The following RABGAP1L variants were observed in gnomAD, a reference collection of about 807,000 sequenced individuals.
The protein encoded by RABGAP1L is rab GTPase-activating protein 1-like.
Under a neutral mutation model 137.7 loss-of-function variants are expected in RABGAP1L, and 63 were observed. The observed-to-expected ratio is 0.46, with a 90% confidence interval of 0.37 to 0.56. The LOEUF (loss-of-function observed/expected upper bound fraction) is 0.56. RABGAP1L is among the 20% of genes least tolerant of loss of function. RABGAP1L has a pLI of 0.00. For missense variants in RABGAP1L, 1,095 were observed against 1,244.0 expected, an observed-to-expected ratio of 0.88 and a Z score of 1.80; for synonymous variants, 431 against 433.7, an observed-to-expected ratio of 0.99 and a Z score of 0.08.
intron 7 of RABGAP1L, among the ~76,000 whole-genome samples, chr1:174,267,796 A>T (rs759477338): frequency 1.3e-5 from 2 of 152,222 alleles, no homozygotes; most frequent in Non-Finnish European, 2.9e-5. Context: ...ATTGTCCTAT[A>T]TATTTATAAC....
intron 19 of RABGAP1L, among the ~76,000 whole-genome samples, chr1:174,882,604 A>G (rs996987106): frequency 1.3e-5 from 2 of 152,224 alleles, no homozygotes; most frequent in African/African-American, 4.8e-5. Context: ...ACTTTGGAAA[A>G]TATGATTATA....
chr1:174,231,594 G>C (rs915651192), intron 4 of RABGAP1L, among the ~76,000 whole-genome samples: 6 of 152,164 alleles, frequency 3.9e-5, no homozygotes, highest in African/African-American at 1.4e-4. Flanking sequence ...AAAGAGAAGA[G>C]GTTTAACTGG....
intron 8 of RABGAP1L, among the ~76,000 whole-genome samples, chr1:174,274,033 TTCTAATGAAGAGAAAC>T (rs1322354092): frequency 6.6e-6 from 1 of 152,164 alleles, no homozygotes; most frequent in Non-Finnish European, 1.5e-5. Flanking sequence ...GCTAGACTAC[TTCTAATGAAGAGAAAC>T]TCATTACCTT....
chr1:174,852,468 G>A (rs1190120077), intron 19 of RABGAP1L, among the ~76,000 whole-genome samples: 2 of 152,158 alleles, frequency 1.3e-5, no homozygotes, highest in African/African-American at 4.8e-5. Context: ...CTGAGGTCAA[G>A]GAATGCTTCT....
chr1:174,536,649 G>C (rs1664915397), intron 13 of RABGAP1L, among the ~76,000 whole-genome samples: 1 of 152,038 alleles, frequency 6.6e-6, no homozygotes, highest in Admixed American at 6.5e-5. Context: ...TCACTGATTA[G>C]AAGGGAAAAC....
chr1:174,804,006 G>A (rs909343215), intron 18 of RABGAP1L, among the ~76,000 whole-genome samples: 1 of 151,962 alleles, frequency 6.6e-6, no homozygotes. Flanking sequence ...CCCAGAAGGT[G>A]GGATGCACCA....
intron 18 of RABGAP1L, among the ~76,000 whole-genome samples, chr1:174,758,022 CAAA>C (rs34002785): frequency 3.8e-5 from 5 of 130,126 alleles, no homozygotes; most frequent in Admixed American, 7.9e-5. Context: ...GACTCCATCT[CAAA>C]AAAAAAAAAA....
chr1:174,824,455 A>G (rs1360077703), intron 19 of RABGAP1L, among the ~76,000 whole-genome samples: 1 of 152,116 alleles, frequency 6.6e-6, no homozygotes, highest in Non-Finnish European at 1.5e-5. Flanking sequence ...AGATCGTGCC[A>G]CTGCACTCTG....
chr1:174,957,536 T>C lies in RABGAP1L; in HGVS notation c.2420T>C (p.Met807Thr), dbSNP rs759602975. Residue 807 changes from methionine to threonine, a missense_variant, in exon 20 of 26, where the codon ATG (methionine) becomes ACG (threonine). Around this residue, in one of 4 missense-constraint regions of RABGAP1L, gnomAD observed 312 missense variants for 435.6 expected, o/e 0.72. Transcript: ENST00000681986. ...RESQLQQEDP[M>T]DRYKRENRRL... ...AGTCAGCTGCAACAGGAAGACCCAA[T>C]GGATAGATACAAGGTATGAGAAATA... 2 of 1,605,482 alleles carry C rather than the reference T, an allele frequency of 1.2e-6. No individual in the cohort carries two copies. The highest frequency in any genetic ancestry group is 3.3e-5 in the Admixed American group (2 of 59,980).
At chr1:174,361,225 G>GTTT (rs376884093) in intron 11 of RABGAP1L, among the ~76,000 whole-genome samples, 1 of 133,296 alleles carries the variant, frequency 7.5e-6, no homozygotes, top group African/African-American at 2.7e-5. Flanking sequence ...CTCCAGTTTT[G>GTTT]TTTTTTTTTT....
At chr1:174,178,828 A>G (rs1044565712) in intron 1 of RABGAP1L, among the ~76,000 whole-genome samples, 13 of 152,104 alleles carry the variant, frequency 8.5e-5, no homozygotes, top group African/African-American at 2.7e-4. Flanking sequence ...ACTGGGGCCT[A>G]TTGGGGGTTG....
chr1:174,597,342 T>C (rs984464984), intron 13 of RABGAP1L, among the ~76,000 whole-genome samples: 4 of 152,198 alleles, frequency 2.6e-5, no homozygotes, highest in Admixed American at 2.0e-4. Context: ...GCCATCATTT[T>C]CTGGGACTTT....
chr1:174,265,511 T>A (rs1673984573), intron 7 of RABGAP1L, among the ~76,000 whole-genome samples: 1 of 145,456 alleles, frequency 6.9e-6, no homozygotes, highest in Admixed American at 7.0e-5. Context: ...GCCACTGCAC[T>A]CCAGCCTGGG....
At chr1:174,623,563 C>A (rs919002922) in intron 13 of RABGAP1L, among the ~76,000 whole-genome samples, 1 of 152,152 alleles carries the variant, frequency 6.6e-6, no homozygotes, top group Admixed American at 6.5e-5. Context: ...CTTCCTTTGT[C>A]CTCTCCCCAT....
intron 13 of RABGAP1L, among the ~76,000 whole-genome samples, chr1:174,398,771 G>T (rs986062725): frequency 3.9e-5 from 6 of 152,056 alleles, no homozygotes; most frequent in African/African-American, 1.4e-4. Flanking sequence ...TTTGTAAACA[G>T]GAAAGAGAAA....
chr1:174,420,737 T>C (rs1031313527), intron 13 of RABGAP1L, among the ~76,000 whole-genome samples: 4 of 150,412 alleles, frequency 2.7e-5, no homozygotes, highest in Admixed American at 6.6e-5. Context: ...TGCAGTGGCG[T>C]AAGCTCGGCT....
At chr1:174,159,688 A>C (rs1664246861) in intron 1 of RABGAP1L, 31 bp downstream of exon 1, 1 of 152,222 alleles carries the variant, frequency 6.6e-6, no homozygotes, top group African/African-American at 2.4e-5. Flanking sequence ...TAGGGACACG[A>C]GGGCGGCCCG....
At chr1:174,777,842 T>G (rs1286141589) in intron 18 of RABGAP1L, among the ~76,000 whole-genome samples, 1 of 151,980 alleles carries the variant, frequency 6.6e-6, no homozygotes, top group Non-Finnish European at 1.5e-5. Flanking sequence ...CTATTCAAAA[T>G]TCAATACAAA....
At chr1:174,540,726 G>T (rs200282542) in intron 13 of RABGAP1L, among the ~76,000 whole-genome samples, 3 of 152,130 alleles carry the variant, frequency 2.0e-5, no homozygotes, top group Non-Finnish European at 4.4e-5. Context: ...GTCAGGTAGC[G>T]TGATGCCTCC....
Sources: gnomAD v4.1 joint callset for allele counts (sites outside exome capture counted in the v4.1 genomes callset) on GRCh38, gnomAD v4.1.1 for gene constraint, gnomAD v4.1.1 regional missense constraint, MANE v1.5 for transcripts, NCBI Gene and HGNC (gene_info 2026-07-23, HGNC 2026-07-21) for gene names.